ABHD12: variants seen among roughly 807,000 people sequenced by gnomAD.
ABHD12 encodes lysophosphatidylserine lipase ABHD12.
Under a neutral mutation model 58.3 loss-of-function variants are expected in ABHD12, and 43 were observed. That is an observed-to-expected ratio of 0.74 (90% CI 0.58 to 0.95). The LOEUF is 0.95. ABHD12 is among the 40% of genes least tolerant of loss of function. ABHD12 has a pLI of 0.00. For synonymous variants in ABHD12, 219 were observed against 211.2 expected, an observed-to-expected ratio of 1.04 and a Z score of -0.32; for missense variants, 539 against 537.2, an observed-to-expected ratio of 1.00 and a Z score of -0.03.
At chr20:25,313,004 G>A (rs2088889832) in intron 6 of ABHD12, among the ~76,000 whole-genome samples, 1 of 152,146 alleles carries the variant, frequency 6.6e-6, no homozygotes, top group Admixed American at 6.5e-5. Flanking sequence ...CGTCTGGGAG[G>A]TGGGGGGCGC....
chr20:25,322,387 T>A lies in ABHD12; in HGVS notation c.422+938A>T, dbSNP rs1410544369. 6.6e-4 allele frequency among the ~76,000 whole-genome samples: 32 copies of A among 48,432 alleles called. 1 individual carries two copies. The highest frequency in any genetic ancestry group is 1.9e-3 in the South Asian group (3 of 1,594). The allele number at this position is 48,432 out of a possible 152,430, so 31.8% of individuals were successfully genotyped here. On this transcript the variant is annotated intron_variant, in intron 3 of 12. Transcript: ENST00000339157. ...GATATATATATATATATATATTTTT[T>A]TTTTTTTTTGAGACAAGAGTCTCGC...
chr20:25,302,178 C>A, intron 12 of ABHD12, 41 bp downstream of exon 12: 2 of 1,611,726 alleles, frequency 1.2e-6, no homozygotes, highest in Non-Finnish European at 1.7e-6. Flanking sequence ...TGAGCCAGTG[C>A]TGCCCAGACG....
chr20:25,296,736 G>C, downstream of ABHD12: 1 of 649,362 alleles, frequency 1.5e-6, no homozygotes, highest in South Asian at 2.0e-5. Context: ...AAGGAAGCCA[G>C]AGTTGACAGT....
At chr20:25,342,764 A>G (rs1456068871) in intron 1 of ABHD12, among the ~76,000 whole-genome samples, 1 of 151,810 alleles carries the variant, frequency 6.6e-6, no homozygotes, top group East Asian at 1.9e-4. Flanking sequence ...TTTATTTTTT[A>G]TTTTGTAGAT....
At chr20:25,343,122 C>A (rs921151945) in intron 1 of ABHD12, among the ~76,000 whole-genome samples, 10 of 152,280 alleles carry the variant, frequency 6.6e-5, no homozygotes, top group Admixed American at 1.3e-4. Flanking sequence ...AAGGTATGTA[C>A]ACTGTTGTCT....
chr20:25,366,131 CCTTGAA>C (rs1298879271), intron 1 of ABHD12, among the ~76,000 whole-genome samples: 8 of 152,112 alleles, frequency 5.3e-5, no homozygotes, highest in African/African-American at 1.9e-4. Flanking sequence ...TTTCATTGGG[CCTTGAA>C]CTTTTTTCTT....
intron 2 of ABHD12, among the ~76,000 whole-genome samples, chr20:25,336,573 C>T (rs1384543685): frequency 6.6e-6 from 1 of 152,180 alleles, no homozygotes; most frequent in Non-Finnish European, 1.5e-5. Flanking sequence ...AGCAGAGGCA[C>T]CTCCCCAACA....
chr20:25,304,362 G>A (rs544848495), intron 10 of ABHD12, among the ~76,000 whole-genome samples: 162 of 152,352 alleles, frequency 1.1e-3, no homozygotes, highest in Non-Finnish European at 1.8e-3. Context: ...AGGCTCTGGA[G>A]GAAGCGGCAG....
chr20:25,334,491 C>T (rs1465045655), intron 2 of ABHD12, among the ~76,000 whole-genome samples: 1 of 152,122 alleles, frequency 6.6e-6, no homozygotes, highest in Non-Finnish European at 1.5e-5. Context: ...GAGCCTGCAT[C>T]GCCAAGTCAA....
chr20:25,330,476 T>C (rs375403129), intron 2 of ABHD12, among the ~76,000 whole-genome samples: 65 of 152,094 alleles, frequency 4.3e-4, no homozygotes, highest in East Asian at 1.2e-3. Flanking sequence ...CTCAAGGAGG[T>C]CTGCCTGCCT....
At chr20:25,317,630 A>G (rs2088986647) in intron 4 of ABHD12, among the ~76,000 whole-genome samples, 1 of 152,218 alleles carries the variant, frequency 6.6e-6, no homozygotes, top group South Asian at 2.1e-4. Context: ...TGCTCTGCAC[A>G]TGGGATATGC....
intron 2 of ABHD12, among the ~76,000 whole-genome samples, chr20:25,326,746 A>AAACAAC (rs35210969): frequency 1.3e-5 from 2 of 151,276 alleles, no homozygotes; most frequent in Non-Finnish European, 3.0e-5. Context: ...CTTCAAAAAA[A>AAACAAC]AACAACAACA....
At chr20:25,369,058 G>A (rs1162466544) in intron 1 of ABHD12, among the ~76,000 whole-genome samples, 2 of 152,058 alleles carry the variant, frequency 1.3e-5, no homozygotes, top group Non-Finnish European at 2.9e-5. Context: ...GGGAGATCAA[G>A]GGTAAGCCAT....
At chr20:25,334,092 T>C (rs2089322906) in intron 2 of ABHD12, among the ~76,000 whole-genome samples, 1 of 151,828 alleles carries the variant, frequency 6.6e-6, no homozygotes, top group African/African-American at 2.4e-5. Context: ...CTTAAGCTGA[T>C]AAGCAACTTC....
At chr20:25,335,836 T>A (rs552339102) in intron 2 of ABHD12, among the ~76,000 whole-genome samples, 2 of 138,542 alleles carry the variant, frequency 1.4e-5, no homozygotes, top group Non-Finnish European at 3.1e-5. Context: ...AGGGATAGCA[T>A]TGGGAGATAT....
chr20:25,301,065 G>A (rs372579857), intron 12 of ABHD12, among the ~76,000 whole-genome samples, 181 bp from the exon 13 acceptor site: 43 of 152,366 alleles, frequency 2.8e-4, no homozygotes, highest in African/African-American at 1.0e-3. Context: ...AACAAGCAGT[G>A]TGGTGCCAAG....
At chr20:25,356,047 A>C (rs1285183065) in intron 1 of ABHD12, among the ~76,000 whole-genome samples, 1 of 152,172 alleles carries the variant, frequency 6.6e-6, no homozygotes, top group Non-Finnish European at 1.5e-5. Context: ...CAACCAGGGG[A>C]GCCCACAAGA....
intron 3 of ABHD12, 114 bp downstream of exon 3, chr20:25,323,211 G>A: frequency 1.3e-6 from 1 of 767,660 alleles, no homozygotes; most frequent in Non-Finnish European, 2.4e-6. Context: ...GAAAGGAAGA[G>A]GTGAAGATAA....
intron 1 of ABHD12, among the ~76,000 whole-genome samples, chr20:25,348,358 T>G (rs1477016301): frequency 6.7e-6 from 1 of 150,164 alleles, no homozygotes; most frequent in Admixed American, 6.7e-5. Context: ...CAGATGGCCA[T>G]AGAAGAGATT....
Sources: gnomAD v4.1 joint callset for allele counts (sites outside exome capture counted in the v4.1 genomes callset) on GRCh38, gnomAD v4.1.1 for gene constraint, MANE v1.5 for transcripts, NCBI Gene and HGNC (gene_info 2026-07-23, HGNC 2026-07-21) for gene names.